The following INSL6 variants were observed in gnomAD, a reference collection of about 807,000 sequenced individuals.
INSL6 encodes the protein insulin-like peptide INSL6.
A neutral mutation model predicts 9.4 loss-of-function variants in INSL6; 16 were observed. The ratio of observed to expected loss-of-function variants is 1.70; its 90% CI spans 1.15 to 2.59. The LOEUF (loss-of-function observed/expected upper bound fraction) is 2.59. INSL6 is among the 30% of genes most tolerant of loss of function. The pLI is 0.00. For missense variants in INSL6, 391 were observed against 257.3 expected, an observed-to-expected ratio of 1.52 and a Z score of -3.56; for synonymous variants, 154 against 96.9, an observed-to-expected ratio of 1.59 and a Z score of -3.46.
the INSL6 span, among the ~76,000 whole-genome samples, chr9:5,000,242 G>A: frequency 6.6e-6 from 1 of 151,978 alleles, no homozygotes; most frequent in East Asian, 1.9e-4. Flanking sequence ...TCACTTAGAT[G>A]TGGGGTTTAG....
At chr9:5,161,408 G>A (rs1319303807), downstream of INSL6, among the ~76,000 whole-genome samples, 3 of 152,150 alleles carry the variant, frequency 2.0e-5, no homozygotes, top group African/African-American at 7.2e-5. Context: ...TCAAAAAATT[G>A]AGTATAGAAG....
At chr9:5,027,229 T>C in the INSL6 span, among the ~76,000 whole-genome samples, 1 of 152,232 alleles carries the variant, frequency 6.6e-6, no homozygotes, top group Non-Finnish European at 1.5e-5. Flanking sequence ...ATTGTGGGTT[T>C]GGTTCCAGAC....
intron 1 of INSL6, among the ~76,000 whole-genome samples, chr9:5,166,440 C>G (rs1251256049): frequency 6.6e-6 from 1 of 151,628 alleles, no homozygotes. Context: ...AGATAGAACT[C>G]TATCCAGACT....
At chr9:5,181,478 A>G (rs954226422) in intron 1 of INSL6, among the ~76,000 whole-genome samples, 1 of 152,198 alleles carries the variant, frequency 6.6e-6, no homozygotes, top group Non-Finnish European at 1.5e-5. Context: ...TGAGAAAGTG[A>G]GGTAATATTC....
chr9:5,151,124 A>G (rs1418113321), intron 2 of INSL6, among the ~76,000 whole-genome samples: 1 of 152,150 alleles, frequency 6.6e-6, no homozygotes, highest in Non-Finnish European at 1.5e-5. Flanking sequence ...AAATTAACTA[A>G]TGGGTACAGT....
chr9:5,118,160 C>T, the INSL6 span, among the ~76,000 whole-genome samples: 1 of 151,946 alleles, frequency 6.6e-6, no homozygotes, highest in African/African-American at 2.4e-5. Flanking sequence ...GACTCCATCT[C>T]AAACAAACAA....
the INSL6 span, among the ~76,000 whole-genome samples, chr9:5,095,645 TTA>T: frequency 6.6e-6 from 1 of 152,104 alleles, no homozygotes; most frequent in Non-Finnish European, 1.5e-5. Context: ...CCTATCTCAA[TTA>T]TATTTCAAAT....
chr9:5,071,774 C>G, the INSL6 span, among the ~76,000 whole-genome samples: 1 of 152,154 alleles, frequency 6.6e-6, no homozygotes, highest in Non-Finnish European at 1.5e-5. Context: ...TAACAGGAAA[C>G]AGAGTGGCCA....
chr9:5,120,108 G>A (rs866917412), downstream of INSL6, among the ~76,000 whole-genome samples: 9 of 152,346 alleles, frequency 5.9e-5, 1 homozygote, highest in Middle Eastern at 0.014. Flanking sequence ...AGGTTCAGGC[G>A]TCTGGTGAGA....
chr9:5,098,269 CGATAA>C, the INSL6 span: 8 of 152,082 alleles, frequency 5.3e-5, no homozygotes, highest in African/African-American at 1.9e-4. Flanking sequence ...GTGACTTTCT[CGATAA>C]GATATTAGCA....
the INSL6 span, chr9:5,090,734 C>T: frequency 2.5e-6 from 4 of 1,581,404 alleles, no homozygotes; most frequent in Non-Finnish European, 3.4e-6. Flanking sequence ...ATGTTTTATC[C>T]ATAGGGTATG....
At chr9:5,127,981 A>G (rs1452390183) in intron 3 of INSL6, 1 of 231,594 alleles carries the variant, frequency 4.3e-6, no homozygotes, top group Non-Finnish European at 8.5e-6. Context: ...CATACATCTT[A>G]AATCTTTTCA....
chr9:5,148,092 T>C, intron 2 of INSL6, among the ~76,000 whole-genome samples: 1 of 152,138 alleles, frequency 6.6e-6, no homozygotes, highest in East Asian at 1.9e-4. Flanking sequence ...ACAGGCTCCT[T>C]TGGAGGTTAA....
chr9:5,048,849 CT>C, the INSL6 span, among the ~76,000 whole-genome samples: 5 of 152,070 alleles, frequency 3.3e-5, no homozygotes, highest in African/African-American at 1.2e-4. Flanking sequence ...ATAGAGGGCC[CT>C]TGTCCGGTTT....
chr9:5,020,760 A>G, the INSL6 span, among the ~76,000 whole-genome samples: 9 of 152,102 alleles, frequency 5.9e-5, no homozygotes, highest in South Asian at 1.4e-3. Flanking sequence ...GTTATTGCCA[A>G]TGGCTTGTGC....
the INSL6 span, among the ~76,000 whole-genome samples, chr9:5,036,313 A>T: frequency 3.9e-5 from 6 of 152,242 alleles, no homozygotes; most frequent in African/African-American, 7.2e-5. Context: ...AAAGTCCTTT[A>T]TGGATTCAAT....
At chr9:5,041,131 G>C in the INSL6 span, 1 of 974,078 alleles carries the variant, frequency 1.0e-6, no homozygotes, top group African/African-American at 1.6e-5. Flanking sequence ...CGGTGCTCCT[G>C]ATCGCCATCC....
At chr9:5,111,679 C>G in the INSL6 span, 1 of 420,820 alleles carries the variant, frequency 2.4e-6, no homozygotes, top group African/African-American at 2.1e-5. Context: ...GCCCTGTGGG[C>G]AGTGGCGGAG....
chr9:5,047,942 G>T, the INSL6 span, among the ~76,000 whole-genome samples: 1 of 151,956 alleles, frequency 6.6e-6, no homozygotes, highest in Non-Finnish European at 1.5e-5. Context: ...ATTTCTGAGG[G>T]TACATACTAT....
Sources: allele counts gnomAD v4.1 joint callset (sites outside exome capture counted in the v4.1 genomes callset), GRCh38; gene constraint gnomAD v4.1.1; transcripts MANE v1.5; gene names NCBI Gene and HGNC (gene_info 2026-07-23, HGNC 2026-07-21).